The following EIF3E variants were observed in gnomAD, a reference collection of about 807,000 sequenced individuals.
EIF3E encodes eIF-3 p48.
A neutral mutation model predicts 59.3 loss-of-function variants in EIF3E; 25 were observed. That is an observed-to-expected ratio of 0.42 (90% CI 0.31 to 0.59). The LOEUF (loss-of-function observed/expected upper bound fraction) is 0.59. Ranked by LOEUF, EIF3E falls within the 20% of genes least tolerant of loss-of-function variation. EIF3E has a pLI of 0.15. For missense variants in EIF3E, 317 were observed against 534.3 expected (o/e 0.59, Z 4.01); for synonymous variants, 176 against 170.2 (o/e 1.03, Z -0.26).
intron 12 of EIF3E, among the ~76,000 whole-genome samples, chr8:108,202,375 C>A (rs1815011400): frequency 6.6e-6 from 1 of 152,020 alleles, no homozygotes; most frequent in South Asian, 2.1e-4. Context: ...GCATATCCCA[C>A]AACTGCTTCC....
chr8:108,243,621 T>A (rs1815885431), intron 1 of EIF3E, among the ~76,000 whole-genome samples: 1 of 115,884 alleles, frequency 8.6e-6, no homozygotes, highest in Non-Finnish European at 1.6e-5. Flanking sequence ...AGAGCAAGAC[T>A]CTGTCTCAAA....
chr8:108,224,472 CAAT>C (rs1815481951), intron 7 of EIF3E, among the ~76,000 whole-genome samples: 1 of 151,284 alleles, frequency 6.6e-6, no homozygotes. Context: ...ATGGGTGAAA[CAAT>C]GATCTGTCAA....
chr8:108,216,536 A>G (rs933058471), intron 8 of EIF3E, 23 bp from the exon 9 acceptor site: 14 of 1,513,514 alleles, frequency 9.2e-6, no homozygotes, highest in Non-Finnish European at 1.1e-5. Flanking sequence ...GTCAACGGTC[A>G]AGGTAAGTCT....
At chr8:108,211,934 T>G (rs1473538928) in intron 10 of EIF3E, among the ~76,000 whole-genome samples, 2 of 152,220 alleles carry the variant, frequency 1.3e-5, no homozygotes, top group African/African-American at 2.4e-5. Context: ...GCTCAACTGA[T>G]AAACTAAATG....
intron 2 of EIF3E, among the ~76,000 whole-genome samples, chr8:108,240,966 C>A (rs757305503): frequency 2.8e-5 from 4 of 141,404 alleles, no homozygotes; most frequent in Non-Finnish European, 6.1e-5. Flanking sequence ...GGCAACACAG[C>A]GAGACTCCAT....
chr8:108,229,570 T>A (rs949200374), intron 5 of EIF3E, among the ~76,000 whole-genome samples: 1 of 152,088 alleles, frequency 6.6e-6, no homozygotes, highest in Non-Finnish European at 1.5e-5. Context: ...AGGATGAAGA[T>A]GTGGAAAATC....
chr8:108,237,296 G>T (rs973264789), intron 3 of EIF3E, among the ~76,000 whole-genome samples: 1 of 152,180 alleles, frequency 6.6e-6, no homozygotes, highest in Non-Finnish European at 1.5e-5. Context: ...CTGTCACTCC[G>T]GATGGAGTTC....
intron 7 of EIF3E, chr8:108,227,730 C>T (rs913642487): frequency 1.3e-5 from 2 of 152,078 alleles, no homozygotes; most frequent in African/African-American, 4.8e-5. Flanking sequence ...AAATAATGGG[C>T]AGAAGTTTCA....
chr8:108,245,744 T>A (rs1405299300), intron 1 of EIF3E, among the ~76,000 whole-genome samples: 2 of 152,190 alleles, frequency 1.3e-5, no homozygotes, highest in East Asian at 1.9e-4. Flanking sequence ...GAGAAACAAG[T>A]ATGTATTCAT....
At chr8:108,220,915 A>G (rs1057098192) in intron 7 of EIF3E, among the ~76,000 whole-genome samples, 9 of 152,284 alleles carry the variant, frequency 5.9e-5, no homozygotes, top group Middle Eastern at 3.4e-3. Flanking sequence ...CCAGCTACTC[A>G]GGAGGCTGAA....
Position 108,214,554 on chromosome 8 carries a change from A to C in EIF3E, c.1061+53T>G, listed in dbSNP as rs536892095. ...TAAGTGTAAATTCACAATAAATGGA[A>C]ATTTCCAGGAATTTTAAAGTAGAAA... On this transcript the variant is annotated intron_variant, in intron 10 of 12. Coordinates refer to ENST00000220849, the MANE Select transcript of EIF3E (RefSeq NM_001568.3). 2.2e-6 allele frequency: 3 copies of C among 1,352,698 alleles called. No individual in the cohort carries two copies. The African/African-American group carries it at 4.5e-5, about 20-fold the overall frequency. 83.8% of individuals were successfully genotyped at this position (1,352,698 alleles called of 1,614,324 possible).
At chr8:108,233,502 GTC>G (rs1815661370) in intron 5 of EIF3E, 2 of 155,284 alleles carry the variant, frequency 1.3e-5, no homozygotes, top group Admixed American at 1.3e-4. Context: ...AAGACAAAAA[GTC>G]TCTGTTTTAA....
intron 10 of EIF3E, among the ~76,000 whole-genome samples, chr8:108,211,673 T>C (rs1815213125): frequency 6.6e-6 from 1 of 152,206 alleles, no homozygotes; most frequent in African/African-American, 2.4e-5. Context: ...TTCACTCCAT[T>C]ACTTTAGCAG....
rs745400190 is a variant in EIF3E, at chr8:108,235,110, GAAAA to G, written c.367-12_367-9del. 13 of 1,381,342 alleles carry G rather than the reference GAAAA, an allele frequency of 9.4e-6. No homozygotes were observed. In the African/African-American group the frequency reaches 1.8e-4, roughly 19 times the overall value. 85.6% of individuals were successfully genotyped at this position (1,381,342 alleles called of 1,614,324 possible). ...TAAATATTCCTGCCTAAACTAAAAA[GAAAA>G]AAAAAAGATTAAGTTCTCTTTAATT... On this transcript the variant is annotated splice_polypyrimidine_tract_variant and intron_variant, in intron 4 of 12. Transcript: ENST00000220849.
intron 2 of EIF3E, among the ~76,000 whole-genome samples, chr8:108,240,544 A>G (rs866451242): frequency 3.3e-5 from 5 of 152,362 alleles, no homozygotes; most frequent in Middle Eastern, 3.4e-3. Context: ...TGGAATTTAA[A>G]TCCATTAAAT....
At chr8:108,240,989 A>G (rs952115714) in intron 2 of EIF3E, among the ~76,000 whole-genome samples, 14 of 152,266 alleles carry the variant, frequency 9.2e-5, no homozygotes, top group African/African-American at 3.4e-4. Context: ...CAAAAAAAAA[A>G]AGAAAGAAAC....
Position 108,203,133 on chromosome 8 carries a change from G to A in EIF3E, c.1165-16C>T, listed in dbSNP as rs879078131. 1.2e-6 allele frequency: 2 copies of A among 1,607,524 alleles called. No individual in the cohort carries two copies. The highest frequency in any genetic ancestry group is 1.3e-5 in the African/African-American group (1 of 74,566). The stretch of plus-strand genomic sequence containing the variant: ...CCACATGACCCTAAAAGGAAACACA[G>A]GGAAATTGATCCTATAATGTTAATG... On this transcript the variant is annotated splice_polypyrimidine_tract_variant and intron_variant, in intron 11 of 12. Coordinates refer to ENST00000220849, the MANE Select transcript of EIF3E (RefSeq NM_001568.3).
intron 10 of EIF3E, among the ~76,000 whole-genome samples, chr8:108,207,054 T>C (rs1219116053): frequency 6.6e-6 from 1 of 152,192 alleles, no homozygotes; most frequent in African/African-American, 2.4e-5. Flanking sequence ...AAGAAAAACC[T>C]GAAATAAGGC....
Position 108,235,111 on chromosome 8 carries a change from A to G in EIF3E, c.367-9T>C. 1 of 1,319,474 alleles carries G rather than the reference A, an allele frequency of 7.6e-7. No individual in the cohort carries two copies. Among genetic ancestry groups the G allele is most frequent in the Non-Finnish European group, 1.0e-6 (1 of 972,314 alleles). The allele number at this position is 1,319,474 out of a possible 1,614,324, so 81.7% of individuals were successfully genotyped here. A position where few individuals can be genotyped will look rare whatever the true frequency, so the allele number is the denominator to read the frequency against. On this transcript the variant is annotated splice_polypyrimidine_tract_variant and intron_variant, in intron 4 of 12. Coordinates refer to ENST00000220849, the MANE Select transcript of EIF3E (RefSeq NM_001568.3). ...AAATATTCCTGCCTAAACTAAAAAG[A>G]AAAAAAAAAGATTAAGTTCTCTTTA...
Sources: gnomAD v4.1 joint callset for allele counts (sites outside exome capture counted in the v4.1 genomes callset) on GRCh38, gnomAD v4.1.1 for gene constraint, MANE v1.5 for transcripts, NCBI Gene and HGNC (gene_info 2026-07-23, HGNC 2026-07-21) for gene names.